Variants in PTPN4 observed in about 807,000 individuals in gnomAD.
The protein encoded by PTPN4 is protein tyrosine phosphatase non-receptor type 4.
A neutral mutation model predicts 135.5 loss-of-function variants in PTPN4; 49 were observed. The observed-to-expected ratio is 0.36, with a 90% confidence interval of 0.29 to 0.46. PTPN4 has a LOEUF of 0.46. Among genes scored for constraint, PTPN4 ranks in the 20% least tolerant of loss-of-function variants. The probability of loss-of-function intolerance (pLI) is 1.00; values close to 1 mark genes in which losing one functional copy is unlikely to be tolerated. For missense variants in PTPN4, 860 were observed against 1,101.0 expected (o/e 0.78, Z 3.10); for synonymous variants, 333 against 369.9 (o/e 0.90, Z 1.14).
Position 119,962,756 on chromosome 2 carries a change from G to A in PTPN4, c.2409+12G>A, listed in dbSNP as rs1490301102. On this transcript the variant is annotated intron_variant, in intron 24 of 26. Transcript: ENST00000263708. The stretch of plus-strand genomic sequence containing the variant: ...TATTTAACCAAGAGGTAAGAAGGCA[G>A]GATATCTGTTCATTAGAACTGTTGT... 2.6e-6 allele frequency: 4 copies of A among 1,550,404 alleles called. No homozygotes were observed. The highest frequency in any genetic ancestry group is 3.5e-6 in the Non-Finnish European group (4 of 1,139,080).
intron 13 of PTPN4, among the ~76,000 whole-genome samples, chr2:119,927,674 T>TA: frequency 6.6e-6 from 1 of 152,192 alleles, no homozygotes; most frequent in Non-Finnish European, 1.5e-5. Flanking sequence ...ACAGGTGTGT[T>TA]AGAGACAAGA....
At chr2:119,916,112 C>G (rs1678649609) in intron 11 of PTPN4, 1 of 150,940 alleles carries the variant, frequency 6.6e-6, no homozygotes, top group African/African-American at 2.4e-5. Flanking sequence ...AGGTGGGAGG[C>G]TCTCTGGAGC....
intron 19 of PTPN4, among the ~76,000 whole-genome samples, chr2:119,954,297 C>T (rs1416917064): frequency 6.6e-6 from 1 of 152,232 alleles, no homozygotes; most frequent in East Asian, 1.9e-4. Flanking sequence ...TCTCTTTCTT[C>T]TCCCAGTGGA....
chr2:119,922,811 T>C (rs556833487), intron 12 of PTPN4, among the ~76,000 whole-genome samples: 9 of 152,336 alleles, frequency 5.9e-5, no homozygotes, highest in Non-Finnish European at 1.3e-4. Flanking sequence ...GTCTTACTTA[T>C]AGGAAGGTTT....
At chr2:119,790,568 A>G (rs1691125723) in intron 1 of PTPN4, among the ~76,000 whole-genome samples, 1 of 151,824 alleles carries the variant, frequency 6.6e-6, no homozygotes, top group African/African-American at 2.4e-5. Context: ...TATATTGTTT[A>G]TGTTTTAGAA....
At chr2:119,921,621 T>C (rs1018429154) in intron 12 of PTPN4, among the ~76,000 whole-genome samples, 5 of 61,586 alleles carry the variant, frequency 8.1e-5, no homozygotes, top group African/African-American at 1.9e-4. Context: ...GTTTAACTCC[T>C]TTTTTTTTTT....
intron 2 of PTPN4, among the ~76,000 whole-genome samples, chr2:119,851,580 G>T (rs954599088): frequency 2.0e-5 from 3 of 152,178 alleles, no homozygotes; most frequent in Non-Finnish European, 2.9e-5. Context: ...GATTTAGGAA[G>T]TTTTATACAT....
chr2:119,822,355 T>A (rs943151989), intron 2 of PTPN4, among the ~76,000 whole-genome samples: 1 of 112,514 alleles, frequency 8.9e-6, no homozygotes, highest in African/African-American at 3.1e-5. Context: ...TAGTATCCCC[T>A]CCCCCCCCCT....
chr2:119,774,227 G>A (rs553205586), intron 1 of PTPN4, among the ~76,000 whole-genome samples: 4 of 152,316 alleles, frequency 2.6e-5, no homozygotes, highest in South Asian at 2.1e-4. Flanking sequence ...AGCTAGTGAT[G>A]CTGGAAGTGC....
Position 119,809,864 on chromosome 2 carries a change from G to A in PTPN4, c.11G>A (p.Arg4His), listed in dbSNP as rs748499258. Residue 4 changes from arginine to histidine, a missense_variant, in exon 2 of 27, where the codon CGT (arginine) becomes CAT (histidine). Physicochemically the swap from Arg to His is conservative, Grantham distance 29. Around this residue, in one of 2 missense-constraint regions of PTPN4, gnomAD observed 684 missense variants for 807.0 expected, o/e 0.85. Coordinates refer to ENST00000263708, the MANE Select transcript of PTPN4 (RefSeq NM_002830.4). The stretch of plus-strand genomic sequence containing the variant: ...TTTGTGTGGACAGTAATGACCTCAC[G>A]TTTCCGATTGCCTGCTGGCAGAACC... MTS[R>H]FRLPAGRTYN... 5 of 1,607,792 alleles carry A rather than the reference G, an allele frequency of 3.1e-6. No homozygotes were observed. Among genetic ancestry groups the A allele is most frequent in the South Asian group, 1.1e-5 (1 of 89,916 alleles).
At chr2:119,969,552 C>CTTTTTTTTTTTTTTTTTTTTTTTTTTT (rs35531556) in intron 26 of PTPN4, among the ~76,000 whole-genome samples, 1 of 113,862 alleles carries the variant, frequency 8.8e-6, no homozygotes, top group Non-Finnish European at 1.7e-5. Flanking sequence ...TAATCAATTT[C>CTTTTTTTTTTTTTTTTTTTTTTTTTTT]TTTTTTTTTT....
At chr2:119,799,906 G>C (rs1318482002) in intron 1 of PTPN4, among the ~76,000 whole-genome samples, 2 of 152,064 alleles carry the variant, frequency 1.3e-5, no homozygotes, top group African/African-American at 4.8e-5. Context: ...CAGTGATGTA[G>C]TTTGCAAAAT....
At chr2:119,844,607 C>A (rs1349869699) in intron 2 of PTPN4, among the ~76,000 whole-genome samples, 1 of 151,284 alleles carries the variant, frequency 6.6e-6, no homozygotes, top group Non-Finnish European at 1.5e-5. Flanking sequence ...CTCCTCACAT[C>A]CCAGATGGGG....
chr2:119,817,889 T>C (rs1677012476), intron 2 of PTPN4, among the ~76,000 whole-genome samples: 1 of 152,174 alleles, frequency 6.6e-6, no homozygotes, highest in African/African-American at 2.4e-5. Flanking sequence ...ACTTGCCTAG[T>C]TGTGTTCCTA....
intron 1 of PTPN4, among the ~76,000 whole-genome samples, chr2:119,760,901 G>A (rs6750004): frequency 0.023 from 3,371 of 148,112 alleles, 124 homozygotes; most frequent in African/African-American, 0.076. Flanking sequence ...AAGTTGAGAT[G>A]TGGGTAAACA....
chr2:119,949,870 T>TACAC (rs139007582), intron 18 of PTPN4, among the ~76,000 whole-genome samples: 8 of 148,848 alleles, frequency 5.4e-5, no homozygotes, highest in East Asian at 2.0e-4. Flanking sequence ...CTGTCTGAAA[T>TACAC]ACACACACAC....
chr2:119,970,939 A>T (rs939301245), intron 26 of PTPN4, among the ~76,000 whole-genome samples: 1 of 152,126 alleles, frequency 6.6e-6, no homozygotes, highest in African/African-American at 2.4e-5. Context: ...TTTTCTTCAC[A>T]TCATCATCAA....
chr2:119,896,742 A>C (rs1044858272), intron 9 of PTPN4, among the ~76,000 whole-genome samples: 1 of 152,204 alleles, frequency 6.6e-6, no homozygotes, highest in African/African-American at 2.4e-5. Flanking sequence ...GTTCATATAG[A>C]AAACACATGG....
In PTPN4 at chr2:119,951,585, G is replaced by A. The variant is rs572906057; in HGVS notation, c.1657-388G>A. Among the ~76,000 whole-genome samples, 446 of 152,208 alleles carry A rather than the reference G, an allele frequency of 2.9e-3. 1 individual carries two copies. The highest frequency in any genetic ancestry group is 5.2e-3 in the Non-Finnish European group (355 of 67,998). On this transcript the variant is annotated intron_variant, in intron 18 of 26. Coordinates refer to ENST00000263708, the MANE Select transcript of PTPN4 (RefSeq NM_002830.4). The stretch of plus-strand genomic sequence containing the variant: ...TTGTGTACTTTTTACAGTTATTCAC[G>A]GTAAATGCACTGTGGTAACTAAAGT...
Sources: gnomAD v4.1 joint callset for allele counts (sites outside exome capture counted in the v4.1 genomes callset) on GRCh38, gnomAD v4.1.1 for gene constraint, gnomAD v4.1.1 regional missense constraint, MANE v1.5 for transcripts, NCBI Gene and HGNC (gene_info 2026-07-23, HGNC 2026-07-21) for gene names.